The following RNF157 variants were observed in gnomAD, a reference collection of about 807,000 sequenced individuals.
RNF157 encodes ring finger protein 157.
RNF157 carries 55 observed loss-of-function variants against 88.3 expected under a neutral mutation model. The observed-to-expected ratio is 0.62, with a 90% CI of 0.50 to 0.78. The LOEUF (loss-of-function observed/expected upper bound fraction) is 0.78, where lower values mean the gene tolerates loss of function less well. Among genes scored for constraint, RNF157 ranks in the 30% least tolerant of loss-of-function variants. The pLI, the probability that RNF157 is intolerant of heterozygous loss-of-function variation, is 0.00. For missense variants in RNF157, 788 were observed against 860.8 expected, an observed-to-expected ratio of 0.92 and a Z score of 1.06; for synonymous variants, 334 against 341.2, an observed-to-expected ratio of 0.98 and a Z score of 0.23.
chr17:76,168,392 T>C (rs1201954819), intron 3 of RNF157, among the ~76,000 whole-genome samples: 5 of 152,166 alleles, frequency 3.3e-5, no homozygotes, highest in African/African-American at 1.2e-4. Context: ...TGATTATTTT[T>C]CTTTTCCTGC....
chr17:76,226,533 T>G, intron 1 of RNF157: 1 of 1,613,682 alleles, frequency 6.2e-7, no homozygotes, highest in Non-Finnish European at 8.5e-7. Flanking sequence ...TCGAACTCCT[T>G]CAAATCCATT....
rs73347503 is a variant in RNF157, at chr17:76,160,315, T to C, written c.1066-742A>G. 0.011 allele frequency among the ~76,000 whole-genome samples: 1,624 copies of C among 152,272 alleles called. 24 individuals carry two copies. The highest frequency in any genetic ancestry group is 0.037 in the African/African-American group (1,547 of 41,534). On this transcript the variant is annotated intron_variant, in intron 11 of 18. Transcript: ENST00000269391. This position sits in a 1 kb window ranked among gnomAD's most constrained non-coding sequence, Gnocchi z 4.3. ...ATGTTCTTGTTATTAAATTATTAGCTCTTAGATGATGAGGTATAAATGTTT... is the reference window on the plus strand; with the variant it reads ...ATGTTCTTGTTATTAAATTATTAGCCCTTAGATGATGAGGTATAAATGTTT...
chr17:76,206,232 A>G (rs909993880), intron 2 of RNF157, among the ~76,000 whole-genome samples: 1 of 152,112 alleles, frequency 6.6e-6, no homozygotes, highest in African/African-American at 2.4e-5. Context: ...CCTTGTCTCA[A>G]AAGGAAAAAA....
At chr17:76,156,609 C>T (rs2068768990) in intron 13 of RNF157, 1 of 836,500 alleles carries the variant, frequency 1.2e-6, no homozygotes, top group Admixed American at 6.2e-5. Flanking sequence ...ACAGGTCACC[C>T]TGCAGCTGTG....
intron 2 of RNF157, among the ~76,000 whole-genome samples, chr17:76,192,465 G>C (rs1598418291): frequency 6.6e-6 from 1 of 152,150 alleles, no homozygotes; most frequent in East Asian, 1.9e-4. Flanking sequence ...GTTACCCCTA[G>C]TGATTAGACC....
intron 16 of RNF157, chr17:76,154,553 A>G: frequency 1.8e-6 from 1 of 541,162 alleles, no homozygotes; most frequent in South Asian, 2.3e-5. Flanking sequence ...CATTACCCAT[A>G]TATGCTCAGA....
chr17:76,178,483 T>C (rs2069139301), intron 2 of RNF157, among the ~76,000 whole-genome samples: 1 of 152,220 alleles, frequency 6.6e-6, no homozygotes, highest in South Asian at 2.1e-4. Flanking sequence ...ACTTGCAGTC[T>C]CCCTTGGAGG....
intron 7 of RNF157, among the ~76,000 whole-genome samples, chr17:76,165,298 T>C (rs1197004628): frequency 6.6e-6 from 1 of 152,038 alleles, no homozygotes; most frequent in Non-Finnish European, 1.5e-5. Context: ...TATTTATTTA[T>C]TTTTTTTGAG....
chr17:76,228,704 C>T lies in RNF157; in HGVS notation c.88+11449G>A, dbSNP rs369492937. ...TTGGGAGGCTGAGGCAGATGAATCACCTGAGGTCAGGAGTTCGAGACCAGC... is the reference window on the plus strand; with the variant it reads ...TTGGGAGGCTGAGGCAGATGAATCATCTGAGGTCAGGAGTTCGAGACCAGC... On this transcript the variant is annotated intron_variant, in intron 1 of 18. Coordinates refer to ENST00000269391, the MANE Select transcript of RNF157 (RefSeq NM_052916.3). 3.9e-5 allele frequency among the ~76,000 whole-genome samples: 6 copies of T among 152,134 alleles called. No individual in the cohort carries two copies. In the East Asian group the frequency reaches 9.7e-4, roughly 24 times the overall value.
At chr17:76,149,721 T>C (rs1036623800) in intron 18 of RNF157, among the ~76,000 whole-genome samples, 1 of 152,060 alleles carries the variant, frequency 6.6e-6, no homozygotes, top group African/African-American at 2.4e-5. Flanking sequence ...ACCCAACTAC[T>C]GACCAAGGAT....
chr17:76,155,225 G>A (rs369363874), intron 16 of RNF157, 27 bp downstream of exon 16: 26 of 1,605,798 alleles, frequency 1.6e-5, no homozygotes, highest in African/African-American at 1.6e-4. Flanking sequence ...GTGGGAAGGG[G>A]GCACCACTCC....
chr17:76,178,825 CT>C (rs373983161), intron 2 of RNF157, among the ~76,000 whole-genome samples: 15 of 149,544 alleles, frequency 1.0e-4, no homozygotes, highest in South Asian at 6.4e-4. Context: ...ATTTTTCTCT[CT>C]TTTTTTTTTC....
At position 76,146,746 on chromosome 17, in the gene RNF157, G is replaced by A. The variant is rs894659538; in HGVS notation, c.1922-1393C>T. ...AAAGCTCCTCCTGGGCAGGGGCCGT[G>A]ACTTCTTCACTGTTGCAGTCCAGAG... On this transcript the variant is annotated intron_variant, in intron 18 of 18. Transcript: ENST00000269391. The surrounding 1 kb of genome is among the most constrained non-coding windows in gnomAD (Gnocchi z 4.2). The A allele has an allele frequency of 1.0e-6, 1 of 985,348 alleles. No homozygotes were observed. The highest frequency in any genetic ancestry group is 4.7e-5 in the South Asian group (1 of 21,280). 61.0% of individuals were successfully genotyped at this position (985,348 alleles called of 1,614,324 possible). A position where few individuals can be genotyped will look rare whatever the true frequency, so the allele number is the denominator to read the frequency against.
At chr17:76,199,508 C>T (rs755986929) in intron 2 of RNF157, among the ~76,000 whole-genome samples, 3 of 150,988 alleles carry the variant, frequency 2.0e-5, no homozygotes, top group Non-Finnish European at 4.4e-5. Flanking sequence ...CCCACTTTGG[C>T]CTCCCAAAGT....
intron 8 of RNF157, 97 bp from the exon 9 acceptor site, chr17:76,162,720 C>T (rs4788915): frequency 0.048 from 35,304 of 742,580 alleles, 1,307 homozygotes; most frequent in African/African-American, 0.16. Context: ...TAACCAAGGA[C>T]TACCGATTCA....
intron 1 of RNF157, among the ~76,000 whole-genome samples, chr17:76,237,170 G>C (rs7220727): frequency 0.14 from 20,599 of 152,198 alleles, 2,040 homozygotes; most frequent in African/African-American, 0.26. Context: ...GTCTCAACTT[G>C]AAATCTGCCA....
intron 2 of RNF157, among the ~76,000 whole-genome samples, chr17:76,178,282 G>A (rs1013905754): frequency 1.4e-4 from 22 of 152,226 alleles, no homozygotes; most frequent in Admixed American, 9.8e-4. Flanking sequence ...AAGCTTCCGG[G>A]TGCCACCACA....
intron 2 of RNF157, among the ~76,000 whole-genome samples, chr17:76,184,717 C>T (rs2069252046): frequency 6.6e-6 from 1 of 152,182 alleles, no homozygotes; most frequent in African/African-American, 2.4e-5. Context: ...AAAAGATATT[C>T]TTTGTACCCA....
chr17:76,200,175 G>C (rs149741851), intron 2 of RNF157, among the ~76,000 whole-genome samples: 20 of 152,098 alleles, frequency 1.3e-4, no homozygotes, highest in African/African-American at 4.8e-4. Flanking sequence ...CTGGGAAGCG[G>C]AGCTTGCAGT....
Sources: allele counts gnomAD v4.1 joint callset (sites outside exome capture counted in the v4.1 genomes callset), GRCh38; gene constraint gnomAD v4.1.1; non-coding constraint Gnocchi (gnomAD v3.1); transcripts MANE v1.5; gene names NCBI Gene and HGNC (gene_info 2026-07-23, HGNC 2026-07-21).